Variants in PCDHGA6 observed in about 807,000 individuals in gnomAD.
PCDHGA6 encodes protocadherin gamma-A6.
Under a neutral mutation model 60.6 loss-of-function variants are expected in PCDHGA6, and 41 were observed. That is an observed-to-expected ratio of 0.68 (90% CI 0.53 to 0.88). PCDHGA6 has a LOEUF of 0.88. PCDHGA6 is among the 40% of genes least tolerant of loss of function. The probability of loss-of-function intolerance (pLI) is 0.00; values close to 1 mark genes in which losing one functional copy is unlikely to be tolerated. For synonymous variants in PCDHGA6, 594 were observed against 524.4 expected, an observed-to-expected ratio of 1.13 and a Z score of -1.81; for missense variants, 1,312 against 1,203.0, an observed-to-expected ratio of 1.09 and a Z score of -1.34.
chr5:141,509,144 G>A (rs969990007), intron 3 of PCDHGA6, among the ~76,000 whole-genome samples: 1 of 152,114 alleles, frequency 6.6e-6, no homozygotes, highest in African/African-American at 2.4e-5. Context: ...GGCGCATCCC[G>A]GCTCTCCCCT....
Position 141,379,889 on chromosome 5 carries a change from C to CTTTTTTTTTTTTTTTTTTT in PCDHGA6, c.2424+3394_2424+3412dup, listed in dbSNP as rs70988800. ...CTTATTTTATGGTCTGTGAAAGCCT[C>CTTTTTTTTTTTTTTTTTTT]TTTTTTTTTTTTTTTTTTTTTTTTT... On this transcript the variant is annotated intron_variant, in intron 1 of 3. Transcript: ENST00000517434. Among the ~76,000 whole-genome samples, 178 of 50,830 alleles carry CTTTTTTTTTTTTTTTTTTT rather than the reference C, an allele frequency of 3.5e-3. 28 individuals are homozygous for CTTTTTTTTTTTTTTTTTTT. Among genetic ancestry groups the CTTTTTTTTTTTTTTTTTTT allele is most frequent in the Non-Finnish European group, 5.0e-3 (129 of 25,880 alleles). The allele number at this position is 50,830 out of a possible 152,430, so 33.3% of individuals were successfully genotyped here.
In PCDHGA6 at chr5:141,376,302, T is replaced by G; in HGVS notation, c.2219T>G (p.Phe740Cys). The change falls in exon 1 of 4, where the codon TTT (phenylalanine) becomes TGT (cysteine). Residue 740 changes from phenylalanine (F) to cysteine (C), a missense_variant. Physicochemically the swap from Phe to Cys is radical, Grantham distance 205. Transcript: ENST00000517434. ...TTAGCGAGCATGCCCGGCTCGCACT[T>G]TGTGGGCGTGGAAGGGGTTCGGGCT... The part of the protein sequence containing the change: ...GGLASMPGSH[F>C]VGVEGVRAFL... The G allele has an allele frequency of 1.2e-6, 2 of 1,614,166 alleles. No individual in the cohort carries two copies. Among genetic ancestry groups the G allele is most frequent in the Non-Finnish European group, 1.7e-6 (2 of 1,180,038 alleles).
chr5:141,468,348 A>C (rs962230735), intron 1 of PCDHGA6: 2 of 150,318 alleles, frequency 1.3e-5, no homozygotes, highest in African/African-American at 4.9e-5. Context: ...AAAAAAAAAA[A>C]AGAAAGAAAA....
chr5:141,376,298 C>T lies in PCDHGA6; in HGVS notation c.2215C>T (p.His739Tyr). The change falls in exon 1 of 4, where the codon CAC (histidine) becomes TAC (tyrosine). Residue 739 changes from histidine (H) to tyrosine (Y), a missense_variant. Transcript: ENST00000517434. ...TGGCTTAGCGAGCATGCCCGGCTCG[C>T]ACTTTGTGGGCGTGGAAGGGGTTCG... ...GGGLASMPGS[H>Y]FVGVEGVRAF... is the part of the protein sequence containing the mutation. 6.2e-7 allele frequency: 1 copy of T among 1,614,206 alleles called. No homozygotes were observed. Among genetic ancestry groups the T allele is most frequent in the South Asian group, 1.1e-5 (1 of 91,084 alleles).
At chr5:141,392,107 C>T (rs1289551398) in intron 1 of PCDHGA6, 1 of 152,168 alleles carries the variant, frequency 6.6e-6, no homozygotes, top group Non-Finnish European at 1.5e-5. Flanking sequence ...AAAGCAACAA[C>T]TCTATAGAAA....
chr5:141,408,922 G>C, intron 1 of PCDHGA6: 1 of 1,613,222 alleles, frequency 6.2e-7, no homozygotes. Context: ...ATAACCCCCC[G>C]GTTTTCAGCA....
chr5:141,492,111 C>T (rs2154587044), intron 1 of PCDHGA6, among the ~76,000 whole-genome samples: 1 of 152,320 alleles, frequency 6.6e-6, no homozygotes, highest in South Asian at 2.1e-4. Context: ...ATTTCCTCTT[C>T]GATTTCTCCC....
intron 1 of PCDHGA6, chr5:141,417,686 G>A (rs1300052006): frequency 8.4e-6 from 9 of 1,068,196 alleles, no homozygotes; most frequent in South Asian, 1.8e-5. Context: ...CAACAGAAAA[G>A]AAAACCAGCT....
At chr5:141,384,650 C>G (rs1213467381) in intron 1 of PCDHGA6, 4 of 1,614,222 alleles carry the variant, frequency 2.5e-6, no homozygotes, top group Non-Finnish European at 3.4e-6. Context: ...TCCGCAGAGC[C>G]CGGCTACCTG....
chr5:141,483,444 T>C (rs956913442), intron 1 of PCDHGA6, among the ~76,000 whole-genome samples: 1 of 152,108 alleles, frequency 6.6e-6, no homozygotes, highest in African/African-American at 2.4e-5. Context: ...TACAATAAAA[T>C]CATCAGGACT....
intron 1 of PCDHGA6, chr5:141,393,221 AG>A (rs1394795238): frequency 1.2e-6 from 2 of 1,613,690 alleles, no homozygotes; most frequent in South Asian, 2.2e-5. Flanking sequence ...TCCAGGTCGA[AG>A]ATCTAGAAGT....
chr5:141,450,985 C>T (rs533993975), intron 1 of PCDHGA6, among the ~76,000 whole-genome samples: 22 of 151,876 alleles, frequency 1.4e-4, no homozygotes, highest in African/African-American at 3.9e-4. Flanking sequence ...CCACCACACC[C>T]GGCTAATTTT....
intron 1 of PCDHGA6, chr5:141,394,343 C>T: frequency 1.2e-6 from 2 of 1,614,158 alleles, no homozygotes; most frequent in African/African-American, 1.3e-5. Context: ...TCAACTCTGA[C>T]ACCGGTGTCC....
chr5:141,457,701 G>A (rs1341216514), intron 1 of PCDHGA6, among the ~76,000 whole-genome samples: 1 of 152,222 alleles, frequency 6.6e-6, no homozygotes, highest in Admixed American at 6.5e-5. Context: ...TGGCTTTGAT[G>A]AAACACTGTT....
chr5:141,374,646 G>C lies in PCDHGA6; in HGVS notation c.563G>C (p.Gly188Ala). The C allele has an allele frequency of 2.5e-6, 4 of 1,612,728 alleles. No homozygotes were observed. The highest frequency in any genetic ancestry group is 3.4e-6 in the Non-Finnish European group (4 of 1,179,306). The change falls in exon 1 of 4, where the codon GGG becomes GCG. Residue 188 changes from glycine (G) to alanine (A), a missense_variant. Coordinates refer to ENST00000517434, the MANE Select transcript of PCDHGA6 (RefSeq NM_018919.3). Reference sequence around the variant, plus strand: ...GTGGACGTGCAAAGCGAAGCCCATGGGCCCAAGTACCCGGAGCTGGTGCTG... The same window carrying C: ...GTGGACGTGCAAAGCGAAGCCCATGCGCCCAAGTACCCGGAGCTGGTGCTG... Reference protein sequence around the residue: ...FSVDVQSEAHGPKYPELVLEG... With the variant: ...FSVDVQSEAHAPKYPELVLEG...
chr5:141,462,818 C>T (rs1280335120), intron 1 of PCDHGA6, among the ~76,000 whole-genome samples: 1 of 152,120 alleles, frequency 6.6e-6, no homozygotes, highest in East Asian at 1.9e-4. Flanking sequence ...TTTTATTGGA[C>T]AGCAGACATT....
intron 2 of PCDHGA6, among the ~76,000 whole-genome samples, chr5:141,495,834 C>T (rs1366861675): frequency 6.6e-6 from 1 of 152,198 alleles, no homozygotes; most frequent in African/African-American, 2.4e-5. Context: ...CTATCCCCAG[C>T]CTCTATGTTT....
At chr5:141,503,332 C>T (rs536647792) in intron 2 of PCDHGA6, among the ~76,000 whole-genome samples, 5 of 152,074 alleles carry the variant, frequency 3.3e-5, no homozygotes, top group Admixed American at 6.5e-5. Context: ...CGCGGTGGCT[C>T]ACGCCTGTAA....
chr5:141,478,724 G>T, intron 1 of PCDHGA6: 2 of 1,542,774 alleles, frequency 1.3e-6, no homozygotes, highest in Non-Finnish European at 1.8e-6. Context: ...TGGCCTGCCA[G>T]AGTGTGGTTT....
Sources: gnomAD v4.1 joint callset for allele counts (sites outside exome capture counted in the v4.1 genomes callset) on GRCh38, gnomAD v4.1.1 for gene constraint, MANE v1.5 for transcripts, NCBI Gene and HGNC (gene_info 2026-07-23, HGNC 2026-07-21) for gene names.